The following NCBP3 variants were observed in gnomAD, a reference collection of about 807,000 sequenced individuals.
The protein encoded by NCBP3 is nuclear cap binding subunit 3, also known as nuclear cap-binding protein subunit 3.
Under a neutral mutation model 75.7 loss-of-function variants are expected in NCBP3, and 20 were observed. The observed-to-expected ratio is 0.26, with a 90% confidence interval of 0.19 to 0.38. The LOEUF (loss-of-function observed/expected upper bound fraction) is 0.38, where lower values mean the gene tolerates loss of function less well. NCBP3 is among the 10% of genes least tolerant of loss of function. The pLI is 1.00. For missense variants in NCBP3, 678 were observed against 796.9 expected (o/e 0.85, Z 1.80); for synonymous variants, 293 against 290.5 (o/e 1.01, Z -0.09).
At chr17:3,826,287 C>T (rs1471614618) in intron 4 of NCBP3, 72 bp from the exon 5 acceptor site, 38 of 1,394,234 alleles carry the variant, frequency 2.7e-5, no homozygotes, top group East Asian at 2.3e-4. Context: ...GATTCTGCAT[C>T]GCATTCATCA....
Position 3,818,462 on chromosome 17 carries a change from C to T in NCBP3, c.1111G>A (p.Val371Ile), listed in dbSNP as rs1328330763. The change falls in exon 10 of 13, where the codon GTA becomes ATA. Residue 371 changes from valine to isoleucine, a missense_variant. Around this residue, in one of 7 missense-constraint regions of NCBP3, gnomAD observed 365 missense variants for 392.7 expected, o/e 0.93. Transcript: ENST00000389005. This position sits in a 1 kb window ranked among gnomAD's most constrained non-coding sequence, Gnocchi z 4.7. Reference sequence around the variant, plus strand: ...GCCGGGAGCTCCTCGTGGTACTCTACCACCACTCTGTCATCTGCATCCATG... The same window carrying T: ...GCCGGGAGCTCCTCGTGGTACTCTATCACCACTCTGTCATCTGCATCCATG... ...QDMDADDRVV[V>I]EYHEELPALK... 4 of 1,614,090 alleles carry T rather than the reference C, an allele frequency of 2.5e-6. No homozygotes were observed. Among genetic ancestry groups the T allele is most frequent in the Non-Finnish European group, 2.5e-6 (3 of 1,180,028 alleles).
Position 3,818,386 on chromosome 17 carries a change from C to T in NCBP3, c.1187G>A (p.Ser396Asn), listed in dbSNP as rs767246507. The change falls in exon 10 of 13, where the codon AGC becomes AAC. Residue 396 changes from serine (S) to asparagine (N), a missense_variant. Physicochemically the swap from Ser to Asn is conservative, Grantham distance 46. Transcript: ENST00000389005. This position sits in a 1 kb window ranked among gnomAD's most constrained non-coding sequence, Gnocchi z 4.7. ...ATAGTCCATTTCATCTGAGTCTGAG[C>T]TGCTGGCACTGGATCGTCTAGACGC... ...RSASRRSSAS[S>N]SDSDEMDYDL... is the part of the protein sequence containing the mutation. 9.3e-6 allele frequency: 15 copies of T among 1,614,194 alleles called. No homozygotes were observed. The South Asian group carries it at 1.3e-4, about 14-fold the overall frequency.
At chr17:3,831,207 G>A (rs1320861711) in intron 3 of NCBP3, among the ~76,000 whole-genome samples, 1 of 150,196 alleles carries the variant, frequency 6.7e-6, no homozygotes, top group Non-Finnish European at 1.5e-5. Context: ...CACCACACCC[G>A]GCTTTTTTTA....
chr17:3,815,634 G>A lies in NCBP3; in HGVS notation c.1465+482C>T, dbSNP rs138981344. ...CTATAGATTCAACCAACTGCTGATCGAATACATGTGGAAAAAAAGTAAGAC... is the reference window on the plus strand; with the variant it reads ...CTATAGATTCAACCAACTGCTGATCAAATACATGTGGAAAAAAAGTAAGAC... On this transcript the variant is annotated intron_variant, in intron 11 of 12. Transcript: ENST00000389005. Among the ~76,000 whole-genome samples, 440 of 152,170 alleles carry A rather than the reference G, an allele frequency of 2.9e-3. 1 individual carries two copies. The highest frequency in any genetic ancestry group is 9.6e-3 in the African/African-American group (399 of 41,500).
Position 3,846,179 on chromosome 17 carries a change from G to C in NCBP3, c.45C>G (p.Ala15=). 1 of 1,519,168 alleles carries C rather than the reference G, an allele frequency of 6.6e-7. No homozygotes were observed. The highest frequency in any genetic ancestry group is 2.1e-5 in the Admixed American group (1 of 46,756). The allele number at this position is 1,519,168 out of a possible 1,614,324, so 94.1% of individuals were successfully genotyped here. The part of the protein sequence containing the change: ...RGLRVSVKAE[A]PAGPALGLPS... ...GGAGCCCCAGGGCCGGCCCCGCCGGGGCCTCCGCCTTCACCGACACCCGCA... is the reference window on the plus strand; with the variant it reads ...GGAGCCCCAGGGCCGGCCCCGCCGGCGCCTCCGCCTTCACCGACACCCGCA... Residue 15 remains alanine, a synonymous_variant, in exon 1 of 13, where the codon GCC becomes GCG. Transcript: ENST00000389005. The surrounding 1 kb of genome is among the most constrained non-coding windows in gnomAD (Gnocchi z 4.6).
chr17:3,845,997 C>A (rs1398347516), intron 1 of NCBP3, 44 bp downstream of exon 1: 2 of 1,533,820 alleles, frequency 1.3e-6, no homozygotes, highest in Non-Finnish European at 1.8e-6. Context: ...GCGCTAGACA[C>A]TAGCCCCGCG....
chr17:3,837,849 T>C (rs538967322), intron 3 of NCBP3, among the ~76,000 whole-genome samples: 1 of 152,006 alleles, frequency 6.6e-6, no homozygotes, highest in East Asian at 1.9e-4. Context: ...TCAGGAACAC[T>C]ATCCTAGGCC....
intron 10 of NCBP3, among the ~76,000 whole-genome samples, chr17:3,817,141 TA>T (rs1187522413): frequency 6.6e-6 from 1 of 152,216 alleles, no homozygotes; most frequent in Non-Finnish European, 1.5e-5. Flanking sequence ...CCCTAGACTC[TA>T]ACCCTTAGAA....
At chr17:3,833,572 C>T (rs1042032513) in intron 3 of NCBP3, among the ~76,000 whole-genome samples, 7 of 151,676 alleles carry the variant, frequency 4.6e-5, no homozygotes, top group East Asian at 1.9e-4. Context: ...CTTGGGAGGC[C>T]GAGATGAGAG....
chr17:3,842,362 C>T (rs190069), intron 2 of NCBP3, among the ~76,000 whole-genome samples: 78,937 of 151,762 alleles, frequency 0.52, 20,620 homozygotes, highest in East Asian at 0.66. Context: ...GAGGTGGAGG[C>T]TGCAGTGAGC....
intron 3 of NCBP3, among the ~76,000 whole-genome samples, chr17:3,838,826 T>C (rs992992205): frequency 1.3e-5 from 2 of 152,216 alleles, no homozygotes; most frequent in Admixed American, 6.5e-5. Context: ...GAAAGAAATA[T>C]ATAATGTGCT....
At chr17:3,822,488 C>T (rs1234494588) in intron 7 of NCBP3, 1 of 154,754 alleles carries the variant, frequency 6.5e-6, no homozygotes, top group African/African-American at 2.4e-5. Flanking sequence ...AAACAGACTA[C>T]ATATAATTCC....
intron 3 of NCBP3, among the ~76,000 whole-genome samples, chr17:3,834,639 G>C (rs112664030): frequency 0.014 from 2,189 of 152,342 alleles, 66 homozygotes; most frequent in African/African-American, 0.05. Flanking sequence ...GCCAGGCGTT[G>C]TGGCTCATGC....
chr17:3,826,339 CA>C (rs1597403102), intron 4 of NCBP3, 124 bp from the exon 5 acceptor site: 1 of 932,882 alleles, frequency 1.1e-6, no homozygotes, highest in East Asian at 2.8e-5. Context: ...AGTAAATATA[CA>C]AACCAACTAA....
At chr17:3,814,233 C>A in intron 12 of NCBP3, 89 bp downstream of exon 12, 1 of 1,383,066 alleles carries the variant, frequency 7.2e-7, no homozygotes, top group Non-Finnish European at 9.9e-7. Context: ...CTGTTTCTTG[C>A]CTTCTGCTAA....
intron 10 of NCBP3, among the ~76,000 whole-genome samples, chr17:3,817,146 C>T (rs2053550043): frequency 6.6e-6 from 1 of 152,222 alleles, no homozygotes; most frequent in Non-Finnish European, 1.5e-5. Context: ...GACTCTAACC[C>T]TTAGAACTGT....
chr17:3,826,210 C>T lies in NCBP3; in HGVS notation c.487G>A (p.Val163Ile). Reference sequence around the variant, plus strand: ...GCTGTCATTTCATCCAGCCAAACTACATTACCTAAAATAAAATGTAAAATA... The same window carrying T: ...GCTGTCATTTCATCCAGCCAAACTATATTACCTAAAATAAAATGTAAAATA... ...IEWLDDTSCN[V>I]VWLDEMTATR... Residue 163 changes from valine (V) to isoleucine (I), a missense_variant, in exon 5 of 13, where the codon GTA becomes ATA. Transcript: ENST00000389005. The T allele has an allele frequency of 6.5e-7, 1 of 1,545,430 alleles. No individual in the cohort carries two copies. The highest frequency in any genetic ancestry group is 8.7e-7 in the Non-Finnish European group (1 of 1,144,902).
chr17:3,809,766 A>T lies in NCBP3; in HGVS notation c.*3278T>A, dbSNP rs1277952431. 1 of 152,196 alleles carries T rather than the reference A, an allele frequency of 6.6e-6. No individual in the cohort carries two copies. Among genetic ancestry groups the T allele is most frequent in the Non-Finnish European group, 1.5e-5 (1 of 68,034 alleles). 9.4% of individuals were successfully genotyped at this position (152,196 alleles called of 1,614,324 possible). A position where few individuals can be genotyped will look rare whatever the true frequency, so the allele number is the denominator to read the frequency against. ...TAGCCCTAAAGTAGAAACAACTCAAATGCCCATTAACCAATGTGGATTAAA... is the reference window on the plus strand; with the variant it reads ...TAGCCCTAAAGTAGAAACAACTCAATTGCCCATTAACCAATGTGGATTAAA... On this transcript the variant is annotated 3_prime_UTR_variant, in exon 13 of 13. Coordinates refer to ENST00000389005, the MANE Select transcript of NCBP3 (RefSeq NM_001114118.3).
rs764077449 is a variant in NCBP3 at position 3,818,511 on chromosome 17, C to G, written c.1062G>C (p.Glu354Asp). The change falls in exon 10 of 13, where the codon GAG becomes GAC. Residue 354 changes from glutamate (E) to aspartate (D), a missense_variant. Glu to Asp is a conservative substitution (Grantham distance 45, BLOSUM62 2). Coordinates refer to ENST00000389005, the MANE Select transcript of NCBP3 (RefSeq NM_001114118.3). This position sits in a 1 kb window ranked among gnomAD's most constrained non-coding sequence, Gnocchi z 4.7. ...TGTCCTGGTCTTCTTCTTCCTCTTC[C>G]TCTTCCTCCTCCTCCTCCTCTTCCT... ...EEEEEEEEEEEEEEEEDQDMD... is the reference protein window; with the variant it reads ...EEEEEEEEEEDEEEEEDQDMD... 1.2e-6 allele frequency: 2 copies of G among 1,612,846 alleles called. No homozygotes were observed. Among genetic ancestry groups the G allele is most frequent in the Non-Finnish European group, 1.7e-6 (2 of 1,179,918 alleles).
Sources: allele counts gnomAD v4.1 joint callset (sites outside exome capture counted in the v4.1 genomes callset), GRCh38; gene constraint gnomAD v4.1.1; regional missense constraint gnomAD v4.1.1; non-coding constraint Gnocchi (gnomAD v3.1); transcripts MANE v1.5; gene names NCBI Gene and HGNC (gene_info 2026-07-23, HGNC 2026-07-21).